The following CTNNA1 variants were observed in gnomAD, a reference collection of about 807,000 sequenced individuals.
CTNNA1 encodes catenin alpha-1.
A neutral mutation model predicts 98.4 loss-of-function variants in CTNNA1; 37 were observed. The ratio of observed to expected loss-of-function variants is 0.38; its 90% CI spans 0.29 to 0.49. The LOEUF is 0.49. CTNNA1 is among the 20% of genes least tolerant of loss of function. CTNNA1 has a pLI of 0.95. For missense variants in CTNNA1, 761 were observed against 1,147.2 expected (o/e 0.66, Z 4.86); for synonymous variants, 404 against 413.2 (o/e 0.98, Z 0.27).
intron 16 of CTNNA1, 65 bp downstream of exon 16, chr5:138,931,000 T>C: frequency 9.6e-7 from 1 of 1,046,408 alleles, no homozygotes; most frequent in South Asian, 1.3e-5. Flanking sequence ...CCCAGCCTGG[T>C]CCATTCAGGG....
intron 5 of CTNNA1, among the ~76,000 whole-genome samples, chr5:138,819,100 G>A (rs187521164): frequency 1.3e-5 from 2 of 152,190 alleles, no homozygotes; most frequent in East Asian, 1.9e-4. Context: ...GGAGGTTTGG[G>A]CCCAGGGAGC....
At chr5:138,805,492 A>G (rs1184843252) in intron 3 of CTNNA1, among the ~76,000 whole-genome samples, 1 of 152,074 alleles carries the variant, frequency 6.6e-6, no homozygotes, top group Non-Finnish European at 1.5e-5. Context: ...TTTGATTTGT[A>G]TTACCTGATG....
chr5:138,773,388 G>A (rs185570704), intron 1 of CTNNA1, among the ~76,000 whole-genome samples: 1 of 152,358 alleles, frequency 6.6e-6, no homozygotes, highest in East Asian at 1.9e-4. Context: ...TCTGAGGGAA[G>A]AGAGCATTCC....
intron 9 of CTNNA1, among the ~76,000 whole-genome samples, chr5:138,895,594 T>A (rs1171045435): frequency 6.6e-6 from 1 of 152,114 alleles, no homozygotes; most frequent in Non-Finnish European, 1.5e-5. Context: ...GTAACAAAAT[T>A]CTTAAAATAA....
At chr5:138,756,416 C>T (rs1228960399) in intron 1 of CTNNA1, among the ~76,000 whole-genome samples, 1 of 152,114 alleles carries the variant, frequency 6.6e-6, no homozygotes, top group African/African-American at 2.4e-5. Context: ...ATCCACTCGC[C>T]TCAGCCTCCT....
chr5:138,774,136 G>T (rs1580921890), intron 1 of CTNNA1, among the ~76,000 whole-genome samples: 1 of 152,140 alleles, frequency 6.6e-6, no homozygotes, highest in East Asian at 1.9e-4. Context: ...GCCCACCTCA[G>T]CCTACCAAAG....
Position 138,852,565 on chromosome 5 carries a change from C to T in CTNNA1, c.1062+24847C>T, listed in dbSNP as rs148940491. On this transcript the variant is annotated intron_variant, in intron 7 of 17. Transcript: ENST00000302763. ...GTTTCTTCCTATATAGGTCATATTT[C>T]GTGTTCAATATACTTGTAAGAAATT... Among the ~76,000 whole-genome samples, 444 of 152,078 alleles carry T rather than the reference C, an allele frequency of 2.9e-3. 3 individuals carry two copies. Among genetic ancestry groups the T allele is most frequent in the African/African-American group, 0.01 (417 of 41,478 alleles).
intron 13 of CTNNA1, chr5:138,925,627 T>G (rs28363473): frequency 1.8e-6 from 1 of 557,574 alleles, no homozygotes; most frequent in African/African-American, 1.9e-5. Context: ...CTAGCCTGAG[T>G]TGACGATTTA....
intron 10 of CTNNA1, 40 bp downstream of exon 10, chr5:138,904,481 A>C (rs780006911): frequency 1.9e-6 from 3 of 1,580,726 alleles, no homozygotes; most frequent in Non-Finnish European, 2.6e-6. Flanking sequence ...TAACCAAATT[A>C]AATTTTGATT....
rs1766211761 is a variant in CTNNA1 at position 138,934,874 on chromosome 5, A to AGACT, written c.*786_*789dup. 1 of 151,998 alleles carries AGACT rather than the reference A, an allele frequency of 6.6e-6. No homozygotes were observed. Among genetic ancestry groups the AGACT allele is most frequent in the East Asian group, 1.9e-4 (1 of 5,194 alleles). The allele number at this position is 151,998 out of a possible 1,614,324, so 9.4% of individuals were successfully genotyped here. A position where few individuals can be genotyped will look rare whatever the true frequency, so the allele number is the denominator to read the frequency against. On this transcript the variant is annotated 3_prime_UTR_variant, in exon 18 of 18. Coordinates refer to ENST00000302763, the MANE Select transcript of CTNNA1 (RefSeq NM_001903.5). The stretch of plus-strand genomic sequence containing the variant: ...ATAGTGTTTGCTAAGGCAGTAATTT[A>AGACT]GACTTTACCTTATTTGTGATTACTG...
intron 4 of CTNNA1, 87 bp downstream of exon 4, chr5:138,810,291 A>C: frequency 6.7e-7 from 1 of 1,481,800 alleles, no homozygotes; most frequent in South Asian, 1.2e-5. Flanking sequence ...CTTAGGATTT[A>C]GTTTGGTTTT....
In CTNNA1 at chr5:138,826,332, G is replaced by A. The variant is rs375684105; in HGVS notation, c.859-1183G>A. Among the ~76,000 whole-genome samples the A allele has an allele frequency of 8.3e-4, 127 of 152,302 alleles. 1 individual carries two copies. In the South Asian group the frequency reaches 0.023, roughly 27 times the overall value. On this transcript the variant is annotated intron_variant, in intron 6 of 17. Coordinates refer to ENST00000302763, the MANE Select transcript of CTNNA1 (RefSeq NM_001903.5). ...TGAAATCAATAAGGACATAGTCTCT[G>A]TAAAGAAAAATTAAAGCCATAATAT...
chr5:138,772,217 C>G (rs1753629811), intron 1 of CTNNA1, among the ~76,000 whole-genome samples: 1 of 152,228 alleles, frequency 6.6e-6, no homozygotes, highest in Non-Finnish European at 1.5e-5. Flanking sequence ...CTGCCCCTTT[C>G]TGAATTTATA....
chr5:138,904,638 C>T, intron 10 of CTNNA1, 197 bp downstream of exon 10: 3 of 653,118 alleles, frequency 4.6e-6, no homozygotes, highest in Non-Finnish European at 7.4e-6. Context: ...CGGGAGATTA[C>T]ATGTTACTCC....
chr5:138,825,254 T>C (rs1760536823), intron 6 of CTNNA1, among the ~76,000 whole-genome samples: 1 of 152,196 alleles, frequency 6.6e-6, no homozygotes. Flanking sequence ...TGCCTAGATA[T>C]ACTTCTTTTC....
intron 7 of CTNNA1, among the ~76,000 whole-genome samples, chr5:138,864,236 G>T (rs889690780): frequency 6.6e-5 from 10 of 152,210 alleles, no homozygotes; most frequent in Admixed American, 2.0e-4. Context: ...ACAGGCATGA[G>T]CCACTGCACC....
At position 138,916,585 on chromosome 5, in the gene CTNNA1, T is replaced by C. The variant is rs1157012162; in HGVS notation, c.1390-1157T>C. Among the ~76,000 whole-genome samples the C allele has an allele frequency of 2.0e-5, 3 of 151,832 alleles. No individual in the cohort carries two copies. In the East Asian group the frequency reaches 5.8e-4, roughly 30 times the overall value. ...TTGCCCAAGCTGGAGTGCAGTGGTG[T>C]GATCACAGCTCACTGCACCCTTGAC... On this transcript the variant is annotated intron_variant, in intron 10 of 17. Coordinates refer to ENST00000302763, the MANE Select transcript of CTNNA1 (RefSeq NM_001903.5).
intron 1 of CTNNA1, among the ~76,000 whole-genome samples, chr5:138,777,940 GGA>G (rs1754565515): frequency 1.5e-5 from 1 of 65,498 alleles, no homozygotes; most frequent in Non-Finnish European, 3.0e-5. Flanking sequence ...GGGGGAGGAG[GGA>G]GAGGGGGAGG....
chr5:138,901,763 G>A (rs569647909), intron 9 of CTNNA1, among the ~76,000 whole-genome samples: 2 of 152,164 alleles, frequency 1.3e-5, no homozygotes, highest in South Asian at 2.1e-4. Context: ...TAATAGTTAC[G>A]TCATTCTAGA....
Sources: allele counts gnomAD v4.1 joint callset (sites outside exome capture counted in the v4.1 genomes callset), GRCh38; gene constraint gnomAD v4.1.1; transcripts MANE v1.5; gene names NCBI Gene and HGNC (gene_info 2026-07-23, HGNC 2026-07-21).